The following MLLT10 variants were observed in gnomAD, a reference collection of about 807,000 sequenced individuals.
The protein encoded by MLLT10 is protein AF-10.
In MLLT10, 30 loss-of-function variants were observed where a neutral mutation model predicts 129.1. That is an observed-to-expected ratio of 0.23 (90% CI 0.17 to 0.32). The LOEUF (loss-of-function observed/expected upper bound fraction) is 0.32, where lower values mean the gene tolerates loss of function less well. Ranked by LOEUF, MLLT10 falls within the 10% of genes least tolerant of loss-of-function variation. MLLT10 has a pLI of 1.00. For missense variants in MLLT10, 1,119 were observed against 1,268.3 expected (o/e 0.88, Z 1.79); for synonymous variants, 490 against 446.4 (o/e 1.10, Z -1.23).
At chr10:21,717,640 T>TTCCTCCTCCTC (rs2056751411) in intron 14 of MLLT10, among the ~76,000 whole-genome samples, 11 of 36,526 alleles carry the variant, frequency 3.0e-4, no homozygotes, top group African/African-American at 1.2e-3. Flanking sequence ...TCCTCCTCCT[T>TTCCTCCTCCTC]TTCCTCCTCC....
intron 22 of MLLT10, among the ~76,000 whole-genome samples, chr10:21,740,870 T>A (rs1158323878): frequency 6.6e-6 from 1 of 152,234 alleles, no homozygotes. Flanking sequence ...TAGGTCTACT[T>A]TACTGGAGTA....
intron 8 of MLLT10, among the ~76,000 whole-genome samples, chr10:21,640,881 A>G (rs930282229): frequency 3.3e-5 from 5 of 152,208 alleles, no homozygotes; most frequent in African/African-American, 7.2e-5. Context: ...TTGATTGACA[A>G]ACAAATTCTT....
intron 13 of MLLT10, among the ~76,000 whole-genome samples, chr10:21,684,570 T>C (rs2053093387): frequency 6.6e-6 from 1 of 152,180 alleles, no homozygotes; most frequent in Admixed American, 6.5e-5. Context: ...ACTGCCCCAT[T>C]TGGTTATGTC....
chr10:21,647,599 C>T (rs993679651), intron 8 of MLLT10, among the ~76,000 whole-genome samples: 2 of 151,928 alleles, frequency 1.3e-5, no homozygotes, highest in African/African-American at 4.8e-5. Flanking sequence ...AAACAAAACC[C>T]AACAACTTTG....
intron 9 of MLLT10, among the ~76,000 whole-genome samples, chr10:21,656,273 A>G (rs887134530): frequency 1.3e-5 from 2 of 152,204 alleles, no homozygotes; most frequent in African/African-American, 4.8e-5. Flanking sequence ...TGTTTTACCC[A>G]GAACTTTAGG....
chr10:21,563,835 CAG>C (rs2039175979), intron 3 of MLLT10, among the ~76,000 whole-genome samples: 2 of 144,136 alleles, frequency 1.4e-5, no homozygotes, highest in South Asian at 2.1e-4. Context: ...TATTTTGAGA[CAG>C]AGTCTTGCTT....
chr10:21,741,082 A>C (rs2058793305), intron 22 of MLLT10, among the ~76,000 whole-genome samples: 1 of 152,192 alleles, frequency 6.6e-6, no homozygotes, highest in Non-Finnish European at 1.5e-5. Context: ...TAGTCTTCAG[A>C]AACTTTAGTT....
intron 4 of MLLT10, among the ~76,000 whole-genome samples, chr10:21,594,607 G>C (rs1326249056): frequency 7.7e-6 from 1 of 129,326 alleles, no homozygotes; most frequent in Non-Finnish European, 1.6e-5. Flanking sequence ...CGCTTTCTCT[G>C]AAATAGGCAA....
chr10:21,669,353 C>A (rs1208741695), intron 9 of MLLT10, among the ~76,000 whole-genome samples: 2 of 152,030 alleles, frequency 1.3e-5, no homozygotes, highest in Non-Finnish European at 2.9e-5. Context: ...GCTAAAAATG[C>A]CAGCCATTTT....
intron 9 of MLLT10, among the ~76,000 whole-genome samples, chr10:21,660,077 C>T (rs1426244479): frequency 1.3e-5 from 2 of 152,016 alleles, no homozygotes; most frequent in Admixed American, 6.5e-5. Flanking sequence ...CATACTCCCA[C>T]CTCAGCCTCC....
intron 13 of MLLT10, among the ~76,000 whole-genome samples, chr10:21,702,452 A>T (rs535323326): frequency 6.6e-6 from 1 of 152,314 alleles, no homozygotes; most frequent in Admixed American, 6.5e-5. Context: ...TTTGGTCTAA[A>T]GTCTAGTTGG....
chr10:21,613,801 A>G (rs2044924654), intron 6 of MLLT10, among the ~76,000 whole-genome samples: 1 of 152,016 alleles, frequency 6.6e-6, no homozygotes, highest in Non-Finnish European at 1.5e-5. Flanking sequence ...GCTACTCGGG[A>G]GGCTGAGATG....
chr10:21,573,939 T>C (rs1209892538), intron 3 of MLLT10, among the ~76,000 whole-genome samples: 1 of 152,206 alleles, frequency 6.6e-6, no homozygotes, highest in Non-Finnish European at 1.5e-5. Context: ...AGGGATTTTG[T>C]TGTAATCTTG....
At position 21,617,124 on chromosome 10, in the gene MLLT10, C is replaced by T. The variant is rs746211204; in HGVS notation, c.616C>T (p.Arg206Trp). The T allele has an allele frequency of 6.6e-6, 10 of 1,506,698 alleles. No individual in the cohort carries two copies. The highest frequency in any genetic ancestry group is 3.9e-5 in the Admixed American group (2 of 51,342). 93.3% of individuals were successfully genotyped at this position (1,506,698 alleles called of 1,614,324 possible). ...YHFSKLKKSK[R>W]GSNRSYDQSL... is the part of the protein sequence containing the mutation. The stretch of plus-strand genomic sequence containing the variant: ...TTTTCTTTTTTAGAAAAAGAGCAAA[C>T]GGGGATCTAATAGGTCATATGATCA... The change falls in exon 8 of 23, where the codon CGG becomes TGG. Residue 206 changes from arginine (R) to tryptophan (W), a missense_variant. Transcript: ENST00000307729.
chr10:21,660,615 CAAAA>C (rs55685640), intron 9 of MLLT10, among the ~76,000 whole-genome samples: 2 of 41,818 alleles, frequency 4.8e-5, no homozygotes, highest in Non-Finnish European at 8.8e-5. Flanking sequence ...GACTCCATCT[CAAAA>C]AAAAAAAAAA....
At chr10:21,711,356 A>T (rs1338050516) in intron 13 of MLLT10, among the ~76,000 whole-genome samples, 1 of 151,822 alleles carries the variant, frequency 6.6e-6, no homozygotes, top group Non-Finnish European at 1.5e-5. Flanking sequence ...CCGCGGGTAG[A>T]GGTTACAGCG....
chr10:21,628,386 A>G (rs1024973070), intron 8 of MLLT10, among the ~76,000 whole-genome samples: 1 of 148,630 alleles, frequency 6.7e-6, no homozygotes, highest in Non-Finnish European at 1.5e-5. Flanking sequence ...GTTGTCTTTG[A>G]TTATAGTCAT....
rs181435800 is a variant in MLLT10, at chr10:21,594,405, C to T, written c.296-926C>T. Among the ~76,000 whole-genome samples the T allele has an allele frequency of 8.0e-4, 122 of 151,808 alleles. 1 individual carries two copies. The highest frequency in any genetic ancestry group is 1.5e-3 in the Non-Finnish European group (101 of 67,922). On this transcript the variant is annotated intron_variant, in intron 4 of 22. Transcript: ENST00000307729. Reference sequence around the variant, plus strand: ...CCCCTACTAAAAATACAAAATTAGCCGGGTGTGGTGGTGCATGCCTGTAAT... The same window carrying T: ...CCCCTACTAAAAATACAAAATTAGCTGGGTGTGGTGGTGCATGCCTGTAAT...
chr10:21,727,079 GA>G (rs1191016337), intron 15 of MLLT10, among the ~76,000 whole-genome samples: 2 of 152,106 alleles, frequency 1.3e-5, no homozygotes, highest in African/African-American at 4.8e-5. Context: ...TGGGGGAAGG[GA>G]ATGGATTTAG....
Sources: allele counts gnomAD v4.1 joint callset (sites outside exome capture counted in the v4.1 genomes callset), GRCh38; gene constraint gnomAD v4.1.1; transcripts MANE v1.5; gene names NCBI Gene and HGNC (gene_info 2026-07-23, HGNC 2026-07-21).